Variants in NR4A2 observed in about 807,000 individuals in gnomAD.
NR4A2 encodes the protein nuclear receptor subfamily 4 group A member 2.
In NR4A2, 1 loss-of-function variant was observed where a neutral mutation model predicts 50.5. The observed-to-expected ratio is 0.02, with a 90% CI of 0.01 to 0.09. NR4A2 has a LOEUF of 0.09. Ranked by LOEUF, NR4A2 falls within the 10% of genes least tolerant of loss-of-function variation. The pLI, the probability that NR4A2 is intolerant of heterozygous loss-of-function variation, is 1.00. For missense variants in NR4A2, 613 were observed against 777.3 expected, an observed-to-expected ratio of 0.79 and a Z score of 2.51; for synonymous variants, 328 against 309.4, an observed-to-expected ratio of 1.06 and a Z score of -0.63.
Position 156,324,770 on chromosome 2 carries a change from C to T in NR4A2, c.*974G>A, listed in dbSNP as rs972280609. The stretch of plus-strand genomic sequence containing the variant: ...GCAAGTTTTGTTTAGCTTTAGACAA[C>T]AAAATAATCAAGATATAAACTTTCT... On this transcript the variant is annotated 3_prime_UTR_variant, in exon 8 of 8. Coordinates refer to ENST00000339562, the MANE Select transcript of NR4A2 (RefSeq NM_006186.4). 19 of 152,586 alleles carry T rather than the reference C, an allele frequency of 1.2e-4. No homozygotes were observed. The highest frequency in any genetic ancestry group is 4.6e-4 in the African/African-American group (19 of 41,446). The allele number at this position is 152,586 out of a possible 1,614,324, so 9.5% of individuals were successfully genotyped here. A position where few individuals can be genotyped will look rare whatever the true frequency, so the allele number is the denominator to read the frequency against.
chr2:156,328,444 G>A lies in NR4A2; in HGVS notation c.954C>T (p.Cys318=), dbSNP rs747516804. The A allele has an allele frequency of 3.7e-6, 6 of 1,614,066 alleles. No homozygotes were observed. In the African/African-American group the frequency reaches 8.0e-5, roughly 22 times the overall value. Residue 318 remains cysteine, a synonymous_variant, in exon 4 of 8, where the codon TGC becomes TGT. Coordinates refer to ENST00000339562, the MANE Select transcript of NR4A2 (RefSeq NM_006186.4). The surrounding 1 kb of genome is among the most constrained non-coding windows in gnomAD (Gnocchi z 4.9). The part of the protein sequence containing the change: ...DKRRRNRCQY[C]RFQKCLAVGM... Reference sequence around the variant, plus strand: ...CAACAGCCAGGCACTTCTGAAATCGGCAGTACTGACAGCGATTCCGGCGAC... The same window carrying A: ...CAACAGCCAGGCACTTCTGAAATCGACAGTACTGACAGCGATTCCGGCGAC...
At chr2:156,327,353 C>A (rs886108234) in intron 5 of NR4A2, among the ~76,000 whole-genome samples, 14 of 152,112 alleles carry the variant, frequency 9.2e-5, no homozygotes, top group African/African-American at 3.4e-4. Flanking sequence ...AGGATCTGAC[C>A]ACTTGATCCC....
In NR4A2 at chr2:156,326,400, G is replaced by A. The variant is rs1686644331; in HGVS notation, c.1362-72C>T. The A allele has an allele frequency of 1.5e-6, 2 of 1,376,722 alleles. No homozygotes were observed. The highest frequency in any genetic ancestry group is 2.1e-6 in the Non-Finnish European group (2 of 964,938). 85.3% of individuals were successfully genotyped at this position (1,376,722 alleles called of 1,614,324 possible). On this transcript the variant is annotated intron_variant, in intron 6 of 7. Transcript: ENST00000339562. The surrounding 1 kb of genome is among the most constrained non-coding windows in gnomAD (Gnocchi z 4.2). Reference sequence around the variant, plus strand: ...AAAGCTAAACAACTAATTACTTGAAGAGCAATAAATGAGGGATTTAAGAGT... The same window carrying A: ...AAAGCTAAACAACTAATTACTTGAAAAGCAATAAATGAGGGATTTAAGAGT...
rs1226172150 is a variant in NR4A2, at chr2:156,329,527, C to T, written c.660G>A (p.Val220=). ...ACGCGGGCTTGCGAATGGGGTTGGGCACAGCGAAGGTCTGCCCGTCCACCA... is the reference window on the plus strand; with the variant it reads ...ACGCGGGCTTGCGAATGGGGTTGGGTACAGCGAAGGTCTGCCCGTCCACCA... ...HHVVDGQTFA[V]PNPIRKPASM... The change falls in exon 3 of 8, where the codon GTG becomes GTA. Residue 220 remains valine (V), a synonymous_variant. Coordinates refer to ENST00000339562, the MANE Select transcript of NR4A2 (RefSeq NM_006186.4). The surrounding 1 kb of genome is among the most constrained non-coding windows in gnomAD (Gnocchi z 7.5). 2 of 1,605,612 alleles carry T rather than the reference C, an allele frequency of 1.2e-6. No individual in the cohort carries two copies. The highest frequency in any genetic ancestry group is 2.7e-5 in the African/African-American group (2 of 74,828).
rs1686635630 is a variant in NR4A2, at chr2:156,326,197, A to C, written c.1493T>G (p.Ile498Ser). 1 of 1,614,106 alleles carries C rather than the reference A, an allele frequency of 6.2e-7. No homozygotes were observed. The highest frequency in any genetic ancestry group is 1.3e-5 in the African/African-American group (1 of 74,922). ...AATGCAGGAGAAGGCAGAAATGTCG[A>C]TGTTCATATTCTGCAAGTTGGAGGA... ...EFSSNLQNMN[I>S]DISAFSCIAA... The change falls in exon 7 of 8, where the codon ATC becomes AGC. Residue 498 changes from isoleucine (I) to serine (S), a missense_variant. Ile to Ser is a moderately radical substitution (Grantham distance 142). Transcript: ENST00000339562. This position sits in a 1 kb window ranked among gnomAD's most constrained non-coding sequence, Gnocchi z 4.2.
Position 156,329,450 on chromosome 2 carries a change from G to C in NR4A2, c.737C>G (p.Thr246Arg). 2 of 1,608,530 alleles carry C rather than the reference G, an allele frequency of 1.2e-6. No individual in the cohort carries two copies. The highest frequency in any genetic ancestry group is 1.3e-5 in the African/African-American group (1 of 75,040). The change falls in exon 3 of 8, where the codon ACG becomes AGG. Residue 246 changes from threonine (T) to arginine (R), a missense_variant. Thr to Arg is a moderately conservative substitution (Grantham distance 71, BLOSUM62 -1). Coordinates refer to ENST00000339562, the MANE Select transcript of NR4A2 (RefSeq NM_006186.4). The surrounding 1 kb of genome is among the most constrained non-coding windows in gnomAD (Gnocchi z 7.5). The part of the protein sequence containing the change: ...QIGHASQLLD[T>R]QVPSPPSRGS... ...CCGCGACGGCGGTGAGGGCACCTGCGTGTCGAGCAGCTGAGACGCGTGGCC... is the reference window on the plus strand; with the variant it reads ...CCGCGACGGCGGTGAGGGCACCTGCCTGTCGAGCAGCTGAGACGCGTGGCC...
Position 156,330,734 on chromosome 2 carries a change from CAA to C in NR4A2, c.-71_-70del, listed in dbSNP as rs1391658720. On this transcript the variant is annotated 5_prime_UTR_variant, in exon 2 of 8. Coordinates refer to ENST00000339562, the MANE Select transcript of NR4A2 (RefSeq NM_006186.4). Reference sequence around the variant, plus strand: ...GACAGTGTCGTAATTCAATGAAGGACAAAGTTTCCAAGATTTTTAGAAAAGCA... The same window carrying C: ...GACAGTGTCGTAATTCAATGAAGGACAGTTTCCAAGATTTTTAGAAAAGCA... 5 of 1,256,270 alleles carry C rather than the reference CAA, an allele frequency of 4.0e-6. No individual in the cohort carries two copies. Among genetic ancestry groups the C allele is most frequent in the Admixed American group, 3.7e-5 (1 of 26,966 alleles). 77.8% of individuals were successfully genotyped at this position (1,256,270 alleles called of 1,614,324 possible). A position where few individuals can be genotyped will look rare whatever the true frequency, so the allele number is the denominator to read the frequency against.
Position 156,329,488 on chromosome 2 carries a change from C to A in NR4A2, c.699G>T (p.Pro233=). The change falls in exon 3 of 8, where the codon CCG becomes CCT. Residue 233 remains proline (P), a synonymous_variant. Transcript: ENST00000339562. The surrounding 1 kb of genome is among the most constrained non-coding windows in gnomAD (Gnocchi z 7.5). ...PIRKPASMGF[P]GLQIGHASQL... ...GAGACGCGTGGCCGATCTGCAGGCC[C>A]GGGAAGCCCATGGACGCGGGCTTGC... 3.7e-6 allele frequency: 6 copies of A among 1,605,946 alleles called. No individual in the cohort carries two copies. The highest frequency in any genetic ancestry group is 2.2e-5 in the East Asian group (1 of 44,758).
chr2:156,326,616 CT>C lies in NR4A2; in HGVS notation c.1361+101del. 7.6e-7 allele frequency: 1 copy of C among 1,312,428 alleles called. No individual in the cohort carries two copies. The highest frequency in any genetic ancestry group is 1.1e-6 in the Non-Finnish European group (1 of 917,248). The allele number at this position is 1,312,428 out of a possible 1,614,324, so 81.3% of individuals were successfully genotyped here. On this transcript the variant is annotated intron_variant, in intron 6 of 7. Coordinates refer to ENST00000339562, the MANE Select transcript of NR4A2 (RefSeq NM_006186.4). The surrounding 1 kb of genome is among the most constrained non-coding windows in gnomAD (Gnocchi z 4.2). Reference sequence around the variant, plus strand: ...CTCCGACTTCCATTTCCTATTCTGTCTTTTTCTCTACCCCACCCTCTGGTTT... The same window carrying C: ...CTCCGACTTCCATTTCCTATTCTGTCTTTTCTCTACCCCACCCTCTGGTTT...
At chr2:156,331,572 A>G (rs1199435203) in intron 1 of NR4A2, among the ~76,000 whole-genome samples, 1 of 152,220 alleles carries the variant, frequency 6.6e-6, no homozygotes, top group Non-Finnish European at 1.5e-5. Flanking sequence ...CAAGATGAAC[A>G]CCTTCCCCAT....
rs1307953297 is a variant in NR4A2, at chr2:156,328,378, A to G, written c.994+26T>C. The G allele has an allele frequency of 6.2e-7, 1 of 1,614,042 alleles. No individual in the cohort carries two copies. Among genetic ancestry groups the G allele is most frequent in the Non-Finnish European group, 8.5e-7 (1 of 1,179,964 alleles). On this transcript the variant is annotated intron_variant, in intron 4 of 7. Transcript: ENST00000339562. This position sits in a 1 kb window ranked among gnomAD's most constrained non-coding sequence, Gnocchi z 4.9. Reference sequence around the variant, plus strand: ...GTGGTTTCCTAAAGGCGCAAACTGGAGGGTCGGCAGCTCCCCTCAGCCTAC... The same window carrying G: ...GTGGTTTCCTAAAGGCGCAAACTGGGGGGTCGGCAGCTCCCCTCAGCCTAC...
chr2:156,331,666 T>C (rs1686931342), intron 1 of NR4A2: 1 of 152,250 alleles, frequency 6.6e-6, no homozygotes. Flanking sequence ...GAAGACATTC[T>C]AGAGCACAGA....
rs117181849 is a variant in NR4A2, at chr2:156,329,545, G to C, written c.642C>G (p.Asp214Glu). The change falls in exon 3 of 8, where the codon GAC becomes GAG. Residue 214 changes from aspartate (D) to glutamate (E), a missense_variant. Coordinates refer to ENST00000339562, the MANE Select transcript of NR4A2 (RefSeq NM_006186.4). This position sits in a 1 kb window ranked among gnomAD's most constrained non-coding sequence, Gnocchi z 7.5. ...PEPAGSHHVVDGQTFAVPNPI... is the reference protein window; with the variant it reads ...PEPAGSHHVVEGQTFAVPNPI... ...GGTTGGGCACAGCGAAGGTCTGCCC[G>C]TCCACCACGTGGTGGCTGCCGGCGG... 1 of 1,603,332 alleles carries C rather than the reference G, an allele frequency of 6.2e-7. No homozygotes were observed. Among genetic ancestry groups the C allele is most frequent in the Non-Finnish European group, 8.5e-7 (1 of 1,174,202 alleles).
In NR4A2 at chr2:156,328,260, A is replaced by T. The variant is rs1014723069; in HGVS notation, c.994+144T>A. 7.2e-7 allele frequency: 1 copy of T among 1,386,968 alleles called. No individual in the cohort carries two copies. Among genetic ancestry groups the T allele is most frequent in the Admixed American group, 1.8e-5 (1 of 56,162 alleles). 85.9% of individuals were successfully genotyped at this position (1,386,968 alleles called of 1,614,324 possible). A position where few individuals can be genotyped will look rare whatever the true frequency, so the allele number is the denominator to read the frequency against. ...CGGCTTTCTCTAGGGAAGGCCGGGC[A>T]AGCAGGCAGCTGCAGGGTCCTGGAG... On this transcript the variant is annotated intron_variant, in intron 4 of 7. Coordinates refer to ENST00000339562, the MANE Select transcript of NR4A2 (RefSeq NM_006186.4). The surrounding 1 kb of genome is among the most constrained non-coding windows in gnomAD (Gnocchi z 4.9).
chr2:156,330,307 G>C, intron 2 of NR4A2, 119 bp from the exon 3 acceptor site: 2 of 1,195,724 alleles, frequency 1.7e-6, no homozygotes, highest in Non-Finnish European at 2.4e-6. Context: ...ATGTAGGGGC[G>C]CGAGAGGAAA....
chr2:156,330,569 T>C, intron 2 of NR4A2, 99 bp downstream of exon 2: 2 of 1,284,220 alleles, frequency 1.6e-6, no homozygotes, highest in Non-Finnish European at 2.1e-6. Flanking sequence ...CCGAAGGCGA[T>C]GGGTCGGGCA....
intron 1 of NR4A2, among the ~76,000 whole-genome samples, chr2:156,331,355 G>A (rs1374251513): frequency 6.6e-6 from 1 of 152,230 alleles, no homozygotes; most frequent in Non-Finnish European, 1.5e-5. Context: ...GCTTTTGACA[G>A]AGCACTGGGA....
chr2:156,327,513 G>A (rs898410751), intron 5 of NR4A2, among the ~76,000 whole-genome samples: 2 of 152,138 alleles, frequency 1.3e-5, no homozygotes, highest in Non-Finnish European at 2.9e-5. Flanking sequence ...TTGGGAAGGG[G>A]GAGAGTTTGC....
rs1431944292 is a variant in NR4A2, at chr2:156,332,560, G to C, written c.-207C>G. The C allele has an allele frequency of 8.1e-7, 1 of 1,241,908 alleles. No individual in the cohort carries two copies. Among genetic ancestry groups the C allele is most frequent in the Non-Finnish European group, 1.1e-6 (1 of 946,146 alleles). The allele number at this position is 1,241,908 out of a possible 1,614,324, so 76.9% of individuals were successfully genotyped here. On this transcript the variant is annotated 5_prime_UTR_variant, in exon 1 of 8. Coordinates refer to ENST00000339562, the MANE Select transcript of NR4A2 (RefSeq NM_006186.4). ...CTCTGGGAGCCCGGGCGCCGGGGTC[G>C]GGTAGGGGTGGGAGAGCTGGGCGAA...
Sources: gnomAD v4.1 joint callset for allele counts (sites outside exome capture counted in the v4.1 genomes callset) on GRCh38, gnomAD v4.1.1 for gene constraint, Gnocchi (gnomAD v3.1) non-coding constraint, MANE v1.5 for transcripts, NCBI Gene and HGNC (gene_info 2026-07-23, HGNC 2026-07-21) for gene names.